HS3ST4: variants seen among roughly 807,000 people sequenced by gnomAD.
The protein encoded by HS3ST4 is heparan sulfate glucosamine 3-O-sulfotransferase 4.
A neutral mutation model predicts 29.2 loss-of-function variants in HS3ST4; 17 were observed. The observed-to-expected ratio is 0.58, with a 90% confidence interval of 0.40 to 0.87. HS3ST4 has a LOEUF of 0.87. Among genes scored for constraint, HS3ST4 ranks in the 40% least tolerant of loss-of-function variants. The probability of loss-of-function intolerance (pLI) is 0.00; values close to 1 mark genes in which losing one functional copy is unlikely to be tolerated. For missense variants in HS3ST4, 627 were observed against 634.5 expected (o/e 0.99, Z 0.13); for synonymous variants, 314 against 285.7 (o/e 1.10, Z -1.00).
At chr16:25,768,589 G>T (rs1240531398) in intron 1 of HS3ST4, among the ~76,000 whole-genome samples, 2 of 152,176 alleles carry the variant, frequency 1.3e-5, no homozygotes, top group African/African-American at 4.8e-5. Context: ...GGGCCTGCCG[G>T]TCTTGTGAGT....
intron 1 of HS3ST4, among the ~76,000 whole-genome samples, chr16:25,760,810 C>CATACA (rs1225061512): frequency 1.3e-5 from 2 of 152,132 alleles, no homozygotes; most frequent in Admixed American, 1.3e-4. Flanking sequence ...AGGACTTCAA[C>CATACA]ATACAATGTT....
intron 1 of HS3ST4, among the ~76,000 whole-genome samples, chr16:26,020,755 C>T (rs1255180698): frequency 6.6e-6 from 1 of 152,168 alleles, no homozygotes; most frequent in Non-Finnish European, 1.5e-5. Context: ...ACCTTCTAAA[C>T]CAGAATCTGC....
chr16:25,821,534 T>C (rs1288361940), intron 1 of HS3ST4, among the ~76,000 whole-genome samples: 1 of 152,232 alleles, frequency 6.6e-6, no homozygotes, highest in East Asian at 1.9e-4. Context: ...GATCATTTTC[T>C]TTTTAAAGCT....
chr16:26,011,458 G>A (rs1224778744), intron 1 of HS3ST4, among the ~76,000 whole-genome samples: 1 of 152,190 alleles, frequency 6.6e-6, no homozygotes, highest in African/African-American at 2.4e-5. Flanking sequence ...TATTCGGGAG[G>A]CTGAGACACT....
chr16:25,852,627 T>A (rs918354360), intron 1 of HS3ST4, among the ~76,000 whole-genome samples: 14 of 152,112 alleles, frequency 9.2e-5, no homozygotes, highest in Middle Eastern at 6.8e-3. Flanking sequence ...TGGATTTCAA[T>A]CCTATTTCTG....
chr16:25,932,942 G>C (rs758694848), intron 1 of HS3ST4, among the ~76,000 whole-genome samples: 5 of 152,164 alleles, frequency 3.3e-5, no homozygotes, highest in Admixed American at 6.5e-5. Flanking sequence ...AGACACAGTA[G>C]ATCATTTTCA....
chr16:25,737,377 C>T (rs958622774), intron 1 of HS3ST4, among the ~76,000 whole-genome samples: 11 of 151,494 alleles, frequency 7.3e-5, no homozygotes, highest in African/African-American at 2.7e-4. Flanking sequence ...CACACAAACA[C>T]ACACACACAC....
chr16:25,952,979 A>G (rs555210789), intron 1 of HS3ST4, among the ~76,000 whole-genome samples: 94 of 152,154 alleles, frequency 6.2e-4, no homozygotes, highest in Middle Eastern at 3.4e-3. Flanking sequence ...CATCTTTCCA[A>G]TGCATCTGTC....
chr16:25,736,244 A>C (rs1596556435), intron 1 of HS3ST4, among the ~76,000 whole-genome samples: 2 of 152,340 alleles, frequency 1.3e-5, no homozygotes, highest in East Asian at 3.9e-4. Context: ...CATGTTTTTG[A>C]GGCTATGACC....
intron 1 of HS3ST4, among the ~76,000 whole-genome samples, chr16:25,757,013 G>C (rs1003704522): frequency 6.6e-6 from 1 of 152,108 alleles, no homozygotes; most frequent in Admixed American, 6.5e-5. Context: ...GTGTCTCCTA[G>C]CTTATTTTAA....
intron 1 of HS3ST4, among the ~76,000 whole-genome samples, chr16:25,715,909 A>G (rs977863853): frequency 1.3e-5 from 2 of 152,168 alleles, no homozygotes; most frequent in African/African-American, 4.8e-5. Context: ...CCAGAGAGCA[A>G]TTCCCCCTAT....
At chr16:25,777,030 A>G (rs934408656) in intron 1 of HS3ST4, among the ~76,000 whole-genome samples, 1 of 152,048 alleles carries the variant, frequency 6.6e-6, no homozygotes, top group Non-Finnish European at 1.5e-5. Flanking sequence ...CATGGTTATT[A>G]TTTATCCAGT....
chr16:25,875,849 A>C (rs911615247), intron 1 of HS3ST4, among the ~76,000 whole-genome samples: 1 of 152,102 alleles, frequency 6.6e-6, no homozygotes, highest in Non-Finnish European at 1.5e-5. Context: ...AGCTGAGGGC[A>C]ATAATTCTTG....
At chr16:26,014,800 A>G (rs1284437733) in intron 1 of HS3ST4, among the ~76,000 whole-genome samples, 1 of 152,138 alleles carries the variant, frequency 6.6e-6, no homozygotes, top group Admixed American at 6.5e-5. Flanking sequence ...ACCATTTTAC[A>G]CTTCTCAAAA....
At chr16:25,902,411 G>C (rs1204877731) in intron 1 of HS3ST4, among the ~76,000 whole-genome samples, 1 of 152,094 alleles carries the variant, frequency 6.6e-6, no homozygotes, top group East Asian at 1.9e-4. Flanking sequence ...TGGGAGGATT[G>C]CTCAAGGCTG....
intron 1 of HS3ST4, among the ~76,000 whole-genome samples, chr16:26,078,833 C>T (rs2141781275): frequency 6.6e-6 from 1 of 152,340 alleles, no homozygotes; most frequent in South Asian, 2.1e-4. Flanking sequence ...GCTGTATTTC[C>T]CTTGAAAATT....
intron 1 of HS3ST4, among the ~76,000 whole-genome samples, chr16:26,061,664 A>G (rs1898477938): frequency 6.6e-6 from 1 of 152,218 alleles, no homozygotes. Context: ...AGGAATAGGA[A>G]AAGGATAAGT....
chr16:26,041,882 T>A (rs1315156880), intron 1 of HS3ST4, among the ~76,000 whole-genome samples: 1 of 152,178 alleles, frequency 6.6e-6, no homozygotes, highest in Non-Finnish European at 1.5e-5. Flanking sequence ...TCATTCTCCA[T>A]GGATGATGGC....
intron 1 of HS3ST4, among the ~76,000 whole-genome samples, chr16:26,053,858 A>G (rs1486287185): frequency 6.6e-6 from 1 of 151,724 alleles, no homozygotes; most frequent in Admixed American, 6.6e-5. Context: ...CCACCACAAA[A>G]TCTCCATAAT....
Sources: allele counts gnomAD v4.1 joint callset (sites outside exome capture counted in the v4.1 genomes callset), GRCh38; gene constraint gnomAD v4.1.1; transcripts MANE v1.5; gene names NCBI Gene and HGNC (gene_info 2026-07-23, HGNC 2026-07-21).